Variants in GPC5 observed in about 807,000 individuals in gnomAD.
The protein encoded by GPC5 is glypican 5, also known as glypican-5.
In GPC5, 47 loss-of-function variants were observed where a neutral mutation model predicts 53.9. The observed-to-expected ratio is 0.87, with a 90% CI of 0.69 to 1.11. The LOEUF (loss-of-function observed/expected upper bound fraction) is 1.11, where lower values mean the gene tolerates loss of function less well. GPC5 is among the 50% of genes most tolerant of loss of function. The pLI is 0.00. For missense variants in GPC5, 748 were observed against 713.1 expected (o/e 1.05, Z -0.56); for synonymous variants, 286 against 263.3 (o/e 1.09, Z -0.84).
At chr13:92,525,697 T>C (rs1308507731) in intron 7 of GPC5, among the ~76,000 whole-genome samples, 1 of 152,004 alleles carries the variant, frequency 6.6e-6, no homozygotes, top group African/African-American at 2.4e-5. Context: ...AGTCATTTGA[T>C]GCGATCTTTT....
Position 91,661,080 on chromosome 13 carries a change from T to C in GPC5, c.326-32107T>C, listed in dbSNP as rs532976843. On this transcript the variant is annotated intron_variant, in intron 2 of 7. Transcript: ENST00000377067. ...ATTCTACATCCTTGCAGGGGTAGAA[T>C]AGGCTTTGTTGATACACACTGTAAG... 2.0e-5 allele frequency among the ~76,000 whole-genome samples: 3 copies of C among 152,268 alleles called. No homozygotes were observed. The East Asian group carries it at 5.8e-4, about 29-fold the overall frequency.
chr13:92,092,170 A>G (rs1161595505), intron 6 of GPC5, among the ~76,000 whole-genome samples: 1 of 152,312 alleles, frequency 6.6e-6, no homozygotes, highest in Admixed American at 6.5e-5. Context: ...AGCAGCCAAC[A>G]ATGAAAATGA....
At chr13:91,926,608 A>C (rs1471058928) in intron 6 of GPC5, among the ~76,000 whole-genome samples, 1 of 152,076 alleles carries the variant, frequency 6.6e-6, no homozygotes, top group Non-Finnish European at 1.5e-5. Flanking sequence ...CTGTGCAAAA[A>C]CATGCCGGCT....
intron 7 of GPC5, among the ~76,000 whole-genome samples, chr13:92,546,415 C>A (rs951978255): frequency 6.6e-6 from 1 of 152,052 alleles, no homozygotes; most frequent in Non-Finnish European, 1.5e-5. Flanking sequence ...CTCCCATTCA[C>A]AATTGCTTCA....
intron 7 of GPC5, among the ~76,000 whole-genome samples, chr13:92,646,271 T>C (rs907883286): frequency 6.6e-6 from 1 of 152,112 alleles, no homozygotes; most frequent in African/African-American, 2.4e-5. Context: ...GCATCGTTTG[T>C]AAAAAAGTCT....
At chr13:91,555,088 A>G (rs1181247401) in intron 2 of GPC5, among the ~76,000 whole-genome samples, 1 of 151,984 alleles carries the variant, frequency 6.6e-6, no homozygotes, top group African/African-American at 2.4e-5. Flanking sequence ...ATAATTATAG[A>G]TTCACATGTA....
chr13:92,782,853 A>G (rs1188004230), intron 7 of GPC5, among the ~76,000 whole-genome samples: 2 of 152,104 alleles, frequency 1.3e-5, no homozygotes, highest in East Asian at 3.9e-4. Context: ...CTTATGATTC[A>G]TAGCATGCTG....
chr13:92,574,348 G>A (rs974681759), intron 7 of GPC5, among the ~76,000 whole-genome samples: 3 of 152,098 alleles, frequency 2.0e-5, no homozygotes, highest in Non-Finnish European at 4.4e-5. Context: ...CTTGGACAGG[G>A]AAAATTGAGG....
chr13:91,951,850 C>T (rs2040028618), intron 6 of GPC5, among the ~76,000 whole-genome samples: 1 of 152,100 alleles, frequency 6.6e-6, no homozygotes, highest in Non-Finnish European at 1.5e-5. Flanking sequence ...CTCATCAAAT[C>T]AACATTTCGT....
chr13:92,431,446 A>G (rs1372122855), intron 7 of GPC5, among the ~76,000 whole-genome samples: 1 of 149,028 alleles, frequency 6.7e-6, no homozygotes, highest in Non-Finnish European at 1.5e-5. Flanking sequence ...AAGAGGTAAG[A>G]TTTAGGCTAA....
chr13:91,891,777 G>A (rs967452650), intron 5 of GPC5, among the ~76,000 whole-genome samples: 1 of 151,992 alleles, frequency 6.6e-6, no homozygotes, highest in African/African-American at 2.4e-5. Context: ...ACCTTGATTT[G>A]CAGTTTCATG....
chr13:92,321,329 G>A (rs1408722638), intron 7 of GPC5, among the ~76,000 whole-genome samples: 1 of 152,188 alleles, frequency 6.6e-6, no homozygotes, highest in East Asian at 1.9e-4. Flanking sequence ...CACGGTGGCT[G>A]ACGCCTGTAA....
chr13:91,697,553 T>C (rs2035905929), intron 3 of GPC5, among the ~76,000 whole-genome samples: 1 of 152,196 alleles, frequency 6.6e-6, no homozygotes, highest in Non-Finnish European at 1.5e-5. Context: ...ATTGTCTTTA[T>C]GAATGAGAAA....
At chr13:92,523,134 G>C (rs1162914281) in intron 7 of GPC5, among the ~76,000 whole-genome samples, 1 of 152,104 alleles carries the variant, frequency 6.6e-6, no homozygotes, top group Admixed American at 6.6e-5. Flanking sequence ...GATTGTAAAA[G>C]AAATTTATGA....
intron 6 of GPC5, among the ~76,000 whole-genome samples, chr13:91,957,575 G>A (rs1278596729): frequency 6.6e-6 from 1 of 152,138 alleles, no homozygotes. Context: ...AAAGCACTTA[G>A]TCACTTATAA....
At chr13:92,050,040 A>G (rs180976492) in intron 6 of GPC5, among the ~76,000 whole-genome samples, 23 of 152,312 alleles carry the variant, frequency 1.5e-4, no homozygotes, top group Admixed American at 1.3e-3. Flanking sequence ...TAGAAAAAAT[A>G]CAAAAGATAT....
At chr13:91,489,358 G>A (rs1883800946) in intron 2 of GPC5, among the ~76,000 whole-genome samples, 2 of 152,024 alleles carry the variant, frequency 1.3e-5, no homozygotes, top group African/African-American at 2.4e-5. Context: ...TCTCTCTTTT[G>A]TACTCTGTCC....
intron 6 of GPC5, among the ~76,000 whole-genome samples, chr13:91,930,009 GC>G (rs2039806844): frequency 6.6e-6 from 1 of 151,982 alleles, no homozygotes; most frequent in Non-Finnish European, 1.5e-5. Context: ...TTATAAGCTA[GC>G]CTTTGATGGC....
chr13:92,089,248 C>A (rs1227869434), intron 6 of GPC5, among the ~76,000 whole-genome samples: 3 of 152,156 alleles, frequency 2.0e-5, no homozygotes, highest in Non-Finnish European at 4.4e-5. Context: ...TCCTGGCTAA[C>A]ACGGTGAGAC....
Sources: gnomAD v4.1 joint callset for allele counts (sites outside exome capture counted in the v4.1 genomes callset) on GRCh38, gnomAD v4.1.1 for gene constraint, MANE v1.5 for transcripts, NCBI Gene and HGNC (gene_info 2026-07-23, HGNC 2026-07-21) for gene names.